Variants in HCN4 observed in about 807,000 individuals in gnomAD.
HCN4 encodes the protein potassium/sodium hyperpolarization-activated cyclic nucleotide-gated channel 4.
A neutral mutation model predicts 76.9 loss-of-function variants in HCN4; 29 were observed. The observed-to-expected ratio is 0.38, with a 90% CI of 0.28 to 0.51. The LOEUF is 0.51. HCN4 is among the 20% of genes least tolerant of loss of function. HCN4 has a pLI of 0.90. For synonymous variants in HCN4, 772 were observed against 762.5 expected (o/e 1.01, Z -0.21); for missense variants, 1,416 against 1,715.2 (o/e 0.83, Z 3.08).
intron 1 of HCN4, among the ~76,000 whole-genome samples, chr15:73,354,697 C>T (rs1045364010): frequency 6.6e-6 from 1 of 152,148 alleles, no homozygotes; most frequent in African/African-American, 2.4e-5. Context: ...TCTAGGAAGA[C>T]CAAATGAGAT....
At chr15:73,334,808 AT>A (rs1323527531) in intron 2 of HCN4, among the ~76,000 whole-genome samples, 1 of 152,084 alleles carries the variant, frequency 6.6e-6, no homozygotes, top group Non-Finnish European at 1.5e-5. Flanking sequence ...TGGGGCCATT[AT>A]TATTAAGCTC....
At chr15:73,365,358 C>A (rs1043582686) in intron 1 of HCN4, among the ~76,000 whole-genome samples, 21 of 152,334 alleles carry the variant, frequency 1.4e-4, no homozygotes, top group Admixed American at 1.3e-3. Flanking sequence ...AGAGGACGTG[C>A]CACTTGCAGC....
chr15:73,324,049 A>G (rs773350737), intron 7 of HCN4, 40 bp downstream of exon 7: 8 of 1,606,856 alleles, frequency 5.0e-6, no homozygotes, highest in South Asian at 1.1e-5. Context: ...TCCTCCCCCA[A>G]CACCCCCCAC....
chr15:73,368,185 TC>T lies in HCN4; in HGVS notation c.85del (p.Glu29LysfsTer203). On this transcript the variant is annotated frameshift_variant, in exon 1 of 8. Coordinates refer to ENST00000261917, the MANE Select transcript of HCN4 (RefSeq NM_005477.3). LOFTEE classifies it high-confidence loss of function. This position sits in a 1 kb window ranked among gnomAD's most constrained non-coding sequence, Gnocchi z 6.9. ...GGCCCCCTCCTCCTCGGCGTCCTCT[TC>T]CTCGTCCATGATCCACGCCTTGGCC... Reference protein sequence around the residue: ...VGAKAWIMDEEEDAEEEGAGG... With the variant: ...VGAKAWIMDEXEDAEEEGAGG... The T allele has an allele frequency of 6.5e-7, 1 of 1,533,386 alleles. No individual in the cohort carries two copies. The allele number at this position is 1,533,386 out of a possible 1,614,324, so 95.0% of individuals were successfully genotyped here.
chr15:73,343,404 T>C lies in HCN4; in HGVS notation c.1190A>G (p.Tyr397Cys). 6.2e-7 allele frequency: 1 copy of C among 1,614,094 alleles called. No homozygotes were observed. Among genetic ancestry groups the C allele is most frequent in the South Asian group, 1.1e-5 (1 of 91,072 alleles). ...ACTTACCTCTTCCCACTGGTGAATATATCGAATGAGGCGGGAGAGGCGTAA... is the reference window on the plus strand; with the variant it reads ...ACTTACCTCTTCCCACTGGTGAATACATCGAATGAGGCGGGAGAGGCGTAA... ...RLLRLSRLIR[Y>C]IHQWEEIFHM... Residue 397 changes from tyrosine (Y) to cysteine (C), a missense_variant, in exon 2 of 8, where the codon TAT (tyrosine) becomes TGT (cysteine). Tyr to Cys is a radical substitution (Grantham distance 194). Transcript: ENST00000261917. The surrounding 1 kb of genome is among the most constrained non-coding windows in gnomAD (Gnocchi z 5.7).
intron 4 of HCN4, among the ~76,000 whole-genome samples, chr15:73,327,148 C>T (rs2042905209): frequency 6.7e-6 from 1 of 150,228 alleles, no homozygotes; most frequent in South Asian, 2.1e-4. Flanking sequence ...CCTCTGTTGC[C>T]CAGGCTGGGG....
At chr15:73,342,631 T>C (rs1350388128) in intron 2 of HCN4, among the ~76,000 whole-genome samples, 1 of 152,230 alleles carries the variant, frequency 6.6e-6, no homozygotes, top group East Asian at 1.9e-4. Context: ...CAACCATTGC[T>C]TGGCTTCCTG....
At chr15:73,340,110 G>A (rs755043909) in intron 2 of HCN4, among the ~76,000 whole-genome samples, 4 of 152,084 alleles carry the variant, frequency 2.6e-5, no homozygotes, top group Non-Finnish European at 5.9e-5. Context: ...CAGGACCAGC[G>A]CCTGACCAGT....
chr15:73,357,107 A>G (rs563542599), intron 1 of HCN4, among the ~76,000 whole-genome samples: 28 of 152,278 alleles, frequency 1.8e-4, no homozygotes, highest in Admixed American at 1.6e-3. Flanking sequence ...ATGATCACAT[A>G]AGCACCCAGA....
intron 1 of HCN4, among the ~76,000 whole-genome samples, chr15:73,355,164 C>G (rs978097918): frequency 2.0e-5 from 3 of 152,198 alleles, no homozygotes; most frequent in African/African-American, 4.8e-5. Context: ...AGCACTGTGG[C>G]TAGAGGCCAG....
Position 73,324,244 on chromosome 15 carries a change from A to G in HCN4, c.1988T>C (p.Leu663Pro). The stretch of plus-strand genomic sequence containing the variant: ...GGCTGTGCGCCGGCCCCGGGTCAGC[A>G]GGCAGATCTCTGCCAGAGCATCAGG... ...ADGSYFGEIC[L>P]LTRGRRTASV... The change falls in exon 7 of 8, where the codon CTG becomes CCG. Residue 663 changes from leucine (L) to proline (P), a missense_variant. Leu to Pro is a moderately conservative substitution (Grantham distance 98, BLOSUM62 -3). Around this residue, in one of 6 missense-constraint regions of HCN4, gnomAD observed 241 missense variants for 379.4 expected, o/e 0.64. Transcript: ENST00000261917. The G allele has an allele frequency of 6.2e-7, 1 of 1,613,902 alleles. No individual in the cohort carries two copies. Among genetic ancestry groups the G allele is most frequent in the Non-Finnish European group, 8.5e-7 (1 of 1,179,892 alleles).
chr15:73,330,171 C>T (rs1256931257), intron 3 of HCN4, among the ~76,000 whole-genome samples: 1 of 152,246 alleles, frequency 6.6e-6, no homozygotes, highest in Admixed American at 6.5e-5. Context: ...AAACAGCTGC[C>T]AAGTGAAGCC....
intron 1 of HCN4, among the ~76,000 whole-genome samples, chr15:73,365,461 G>A (rs1176651030): frequency 6.6e-6 from 1 of 152,098 alleles, no homozygotes; most frequent in Non-Finnish European, 1.5e-5. Flanking sequence ...CTGTATCCCC[G>A]CTTCCCTATC....
intron 2 of HCN4, among the ~76,000 whole-genome samples, chr15:73,334,503 A>G (rs1283344046): frequency 6.6e-6 from 1 of 152,014 alleles, no homozygotes; most frequent in Non-Finnish European, 1.5e-5. Flanking sequence ...TGACATGTCT[A>G]TGACCCTGGG....
At chr15:73,348,964 GCA>G (rs1361213560) in intron 1 of HCN4, among the ~76,000 whole-genome samples, 3 of 152,132 alleles carry the variant, frequency 2.0e-5, no homozygotes, top group Non-Finnish European at 2.9e-5. Flanking sequence ...AAGCTGAATG[GCA>G]CAGTTTGCAT....
chr15:73,367,913 C>A lies in HCN4; in HGVS notation c.358G>T (p.Gly120Ter). 1.4e-6 allele frequency: 2 copies of A among 1,384,004 alleles called. No individual in the cohort carries two copies. The highest frequency in any genetic ancestry group is 1.8e-5 in the South Asian group (1 of 56,462). The allele number at this position is 1,384,004 out of a possible 1,614,324, so 85.7% of individuals were successfully genotyped here. Reference protein sequence around the residue: ...SGGTGSGSSHGHLHDSAEERR... With the variant: ...SGGTGSGSSH ...TCCTCCGCGGAGTCATGCAGGTGTC[C>A]GTGACTGCTGCCGCTCCCCGTGCCG... Residue 120 changes from glycine to a stop codon, truncating the protein, a stop_gained, in exon 1 of 8, where the codon GGA (glycine) becomes TGA (stop). Coordinates refer to ENST00000261917, the MANE Select transcript of HCN4 (RefSeq NM_005477.3). LOFTEE classifies it high-confidence loss of function. The surrounding 1 kb of genome is among the most constrained non-coding windows in gnomAD (Gnocchi z 7.5).
Position 73,343,846 on chromosome 15 carries a change from G to C in HCN4, c.786-38C>G. On this transcript the variant is annotated intron_variant, in intron 1 of 7. Coordinates refer to ENST00000261917, the MANE Select transcript of HCN4 (RefSeq NM_005477.3). The surrounding 1 kb of genome is among the most constrained non-coding windows in gnomAD (Gnocchi z 5.7). The stretch of plus-strand genomic sequence containing the variant: ...ACAGGGGTCAGTCGCCAGGAAGAGA[G>C]AGAGGACAAGTTACAGACTAAGGGA... 1.2e-6 allele frequency: 2 copies of C among 1,604,210 alleles called. No homozygotes were observed. The highest frequency in any genetic ancestry group is 1.3e-5 in the African/African-American group (1 of 74,802).
chr15:73,336,625 G>A (rs766050815), intron 2 of HCN4, among the ~76,000 whole-genome samples: 97 of 152,284 alleles, frequency 6.4e-4, no homozygotes, highest in Middle Eastern at 3.4e-3. Context: ...CCAGCCAGCC[G>A]TGAGTGAGTC....
rs1224415711 is a variant in HCN4, at chr15:73,367,358, GCGCCCTGCCTCTCTTGGA to G, written c.785+110_785+127del. 7 of 1,436,502 alleles carry G rather than the reference GCGCCCTGCCTCTCTTGGA, an allele frequency of 4.9e-6. No individual in the cohort carries two copies. Among genetic ancestry groups the G allele is most frequent in the African/African-American group, 2.8e-5 (2 of 71,140 alleles). 89.0% of individuals were successfully genotyped at this position (1,436,502 alleles called of 1,614,324 possible). On this transcript the variant is annotated intron_variant, in intron 1 of 7. Coordinates refer to ENST00000261917, the MANE Select transcript of HCN4 (RefSeq NM_005477.3). The surrounding 1 kb of genome is among the most constrained non-coding windows in gnomAD (Gnocchi z 7.5). Reference sequence around the variant, plus strand: ...CCTGGGGGTGTCTCGGAGCCTAGAGGCGCCCTGCCTCTCTTGGAGCTCCCAGCGCAAGGCAGGAAAGTT... The same window carrying G: ...CCTGGGGGTGTCTCGGAGCCTAGAGGGCTCCCAGCGCAAGGCAGGAAAGTT...
Sources: allele counts gnomAD v4.1 joint callset (sites outside exome capture counted in the v4.1 genomes callset), GRCh38; gene constraint gnomAD v4.1.1; regional missense constraint gnomAD v4.1.1; non-coding constraint Gnocchi (gnomAD v3.1); transcripts MANE v1.5; gene names NCBI Gene and HGNC (gene_info 2026-07-23, HGNC 2026-07-21).